The following NFIB variants were observed in gnomAD, a reference collection of about 807,000 sequenced individuals.
NFIB encodes nuclear factor I B.
Under a neutral mutation model 61.5 loss-of-function variants are expected in NFIB, and 11 were observed. The observed-to-expected ratio is 0.18, with a 90% CI of 0.11 to 0.30. The LOEUF is 0.30. Ranked by LOEUF, NFIB falls within the 10% of genes least tolerant of loss-of-function variation. NFIB has a pLI of 1.00. For missense variants in NFIB, 471 were observed against 608.9 expected, an observed-to-expected ratio of 0.77 and a Z score of 2.38; for synonymous variants, 260 against 216.5, an observed-to-expected ratio of 1.20 and a Z score of -1.76.
intron 1 of NFIB, among the ~76,000 whole-genome samples, chr9:14,354,287 C>T (rs1001678913): frequency 6.6e-6 from 1 of 152,206 alleles, no homozygotes; most frequent in Non-Finnish European, 1.5e-5. Flanking sequence ...TCCCTCACCA[C>T]CACCTTTTGT....
At chr9:14,530,451 G>C in the NFIB span, among the ~76,000 whole-genome samples, 2 of 151,986 alleles carry the variant, frequency 1.3e-5, no homozygotes, top group African/African-American at 4.8e-5. Context: ...CTCTCCTTGA[G>C]GAACTGGCCT....
At chr9:14,206,970 C>T (rs1207818326) in intron 2 of NFIB, among the ~76,000 whole-genome samples, 1 of 152,138 alleles carries the variant, frequency 6.6e-6, no homozygotes, top group Non-Finnish European at 1.5e-5. Context: ...TATGTGCTTA[C>T]AATGTTAGCT....
intron 1 of NFIB, among the ~76,000 whole-genome samples, chr9:14,338,253 G>T (rs1301287202): frequency 2.6e-5 from 4 of 152,104 alleles, no homozygotes; most frequent in Non-Finnish European, 5.9e-5. Context: ...AATTAGCCGG[G>T]CATGGTGGCG....
At chr9:14,139,869 G>A (rs1475418545) in intron 6 of NFIB, among the ~76,000 whole-genome samples, 1 of 152,188 alleles carries the variant, frequency 6.6e-6, no homozygotes, top group Non-Finnish European at 1.5e-5. Context: ...TGTAGTTGAA[G>A]AGGCATTCCT....
the NFIB span, among the ~76,000 whole-genome samples, chr9:14,486,980 TG>T: frequency 6.6e-6 from 1 of 152,194 alleles, no homozygotes; most frequent in African/African-American, 2.4e-5. Flanking sequence ...AACTAAAACA[TG>T]GTGTATTTTA....
intron 1 of NFIB, among the ~76,000 whole-genome samples, chr9:14,338,137 G>A (rs1450944988): frequency 6.6e-6 from 1 of 152,200 alleles, no homozygotes; most frequent in Non-Finnish European, 1.5e-5. Flanking sequence ...GCTCACGCCT[G>A]TAATCCCAGC....
intron 2 of NFIB, among the ~76,000 whole-genome samples, chr9:14,247,935 C>CTT (rs1051234569): frequency 3.7e-4 from 51 of 138,122 alleles, no homozygotes; most frequent in Non-Finnish European, 5.2e-4. Flanking sequence ...TTCTTTTTTT[C>CTT]TTTTTTTTTT....
intron 10 of NFIB, among the ~76,000 whole-genome samples, chr9:14,106,398 A>G (rs1212732661): frequency 1.3e-5 from 2 of 152,136 alleles, no homozygotes; most frequent in Non-Finnish European, 2.9e-5. Context: ...GTGAACTAAG[A>G]AAGTAAGATT....
At chr9:14,171,530 G>T (rs1038306479) in intron 3 of NFIB, among the ~76,000 whole-genome samples, 3 of 152,156 alleles carry the variant, frequency 2.0e-5, no homozygotes, top group African/African-American at 7.2e-5. Context: ...AATGGTAACT[G>T]AGAGGTAAAA....
At chr9:14,177,731 G>C (rs2046338441) in intron 3 of NFIB, among the ~76,000 whole-genome samples, 1 of 152,068 alleles carries the variant, frequency 6.6e-6, no homozygotes, top group Non-Finnish European at 1.5e-5. Flanking sequence ...TCAGGACACA[G>C]TCTCAAAAAG....
chr9:14,436,362 G>T, the NFIB span, among the ~76,000 whole-genome samples: 8 of 152,210 alleles, frequency 5.3e-5, no homozygotes, highest in African/African-American at 1.9e-4. Flanking sequence ...ACTCTGTGAG[G>T]CTGTGTGCCT....
intron 1 of NFIB, among the ~76,000 whole-genome samples, chr9:14,390,229 A>G (rs1374997333): frequency 1.3e-5 from 2 of 152,188 alleles, no homozygotes; most frequent in East Asian, 3.9e-4. Context: ...TTTTATGTGG[A>G]TCCTACAGTT....
chr9:14,187,027 A>ATATGTG (rs1491093222), intron 2 of NFIB, among the ~76,000 whole-genome samples: 67 of 61,044 alleles, frequency 1.1e-3, no homozygotes, highest in African/African-American at 2.3e-3. Context: ...GTGTGTGTGT[A>ATATGTG]TGTGTGTGTG....
Position 14,335,390 on chromosome 9 carries a change from G to A in NFIB, c.109-27870C>T, listed in dbSNP as rs542008898. On this transcript the variant is annotated intron_variant, in intron 1 of 8. Transcript: ENST00000380934. ...CTTTTATTTTTAGCCATTCTAGTAA[G>A]TATGTAGTGTATCCCATTATCACCG... Among the ~76,000 whole-genome samples, 6 of 152,312 alleles carry A rather than the reference G, an allele frequency of 3.9e-5. No individual in the cohort carries two copies. The South Asian group carries it at 1.2e-3, about 32-fold the overall frequency.
At chr9:14,495,579 A>G in the NFIB span, among the ~76,000 whole-genome samples, 2 of 151,106 alleles carry the variant, frequency 1.3e-5, no homozygotes, top group African/African-American at 4.9e-5. Flanking sequence ...GGCAACGCCA[A>G]TCATTTCAAG....
In NFIB at chr9:14,307,313, G is replaced by A. The variant is rs1207064520; in HGVS notation, c.238C>T (p.Leu80=). ...QKWASRLLAK[L]RKDIRQEYRE... Reference sequence around the variant, plus strand: ...TACTCCTGGCGAATATCTTTGCGCAGTTTGGCAAGGAGCCTGGATGCCCAC... The same window carrying A: ...TACTCCTGGCGAATATCTTTGCGCAATTTGGCAAGGAGCCTGGATGCCCAC... The change falls in exon 2 of 11, where the codon CTG becomes TTG. Residue 80 remains leucine (L), a synonymous_variant. Transcript: ENST00000380953. This position sits in a 1 kb window ranked among gnomAD's most constrained non-coding sequence, Gnocchi z 5.3. 11 of 1,613,936 alleles carry A rather than the reference G, an allele frequency of 6.8e-6. No homozygotes were observed. The highest frequency in any genetic ancestry group is 2.7e-5 in the African/African-American group (2 of 74,906).
chr9:14,245,768 G>C (rs1853371), intron 2 of NFIB, among the ~76,000 whole-genome samples: 26,735 of 151,972 alleles, frequency 0.18, 2,527 homozygotes, highest in Middle Eastern at 0.24. Flanking sequence ...AGCTACTTGG[G>C]AGGCTGAGGC....
intron 2 of NFIB, among the ~76,000 whole-genome samples, chr9:14,306,366 T>C (rs1469287804): frequency 1.3e-5 from 2 of 152,210 alleles, no homozygotes; most frequent in East Asian, 3.8e-4. Context: ...CTCAATTCCA[T>C]TTAATCGACA....
chr9:14,481,849 G>C, the NFIB span, among the ~76,000 whole-genome samples: 17 of 152,206 alleles, frequency 1.1e-4, no homozygotes, highest in South Asian at 2.1e-3. Flanking sequence ...CCCAACACCA[G>C]GTGCTATGCA....
Sources: allele counts gnomAD v4.1 joint callset (sites outside exome capture counted in the v4.1 genomes callset), GRCh38; gene constraint gnomAD v4.1.1; non-coding constraint Gnocchi (gnomAD v3.1); transcripts MANE v1.5; gene names NCBI Gene and HGNC (gene_info 2026-07-23, HGNC 2026-07-21).